Variants in SYNDIG1 observed in about 807,000 individuals in gnomAD.
SYNDIG1 encodes synapse differentiation-inducing gene protein 1.
In SYNDIG1, 9 loss-of-function variants were observed where a neutral mutation model predicts 19.4. The observed-to-expected ratio is 0.46, with a 90% CI of 0.28 to 0.81. SYNDIG1 has a LOEUF of 0.81. Among genes scored for constraint, SYNDIG1 ranks in the 30% least tolerant of loss-of-function variants. The probability of loss-of-function intolerance (pLI) is 0.12; values close to 1 mark genes in which losing one functional copy is unlikely to be tolerated. For missense variants in SYNDIG1, 311 were observed against 343.3 expected, an observed-to-expected ratio of 0.91 and a Z score of 0.74; for synonymous variants, 141 against 145.9, an observed-to-expected ratio of 0.97 and a Z score of 0.24.
intron 3 of SYNDIG1, among the ~76,000 whole-genome samples, chr20:24,594,297 T>G (rs1481527840): frequency 6.6e-6 from 1 of 152,252 alleles, no homozygotes; most frequent in Non-Finnish European, 1.5e-5. Context: ...TAGGGAGTTC[T>G]TCCTCCATTG....
intron 1 of SYNDIG1, among the ~76,000 whole-genome samples, chr20:24,531,752 G>C (rs1432910778): frequency 1.3e-5 from 2 of 152,222 alleles, no homozygotes; most frequent in Non-Finnish European, 2.9e-5. Context: ...CTTCACAGAA[G>C]GTGTGTGCTA....
chr20:24,484,425 G>A (rs73901841), intron 1 of SYNDIG1, among the ~76,000 whole-genome samples: 5,007 of 152,220 alleles, frequency 0.033, 246 homozygotes, highest in African/African-American at 0.11. Context: ...TCAAGGCTCC[G>A]GTTTGAGTTT....
intron 3 of SYNDIG1, among the ~76,000 whole-genome samples, chr20:24,651,767 A>G (rs1323966102): frequency 2.6e-5 from 4 of 152,210 alleles, no homozygotes; most frequent in Non-Finnish European, 5.9e-5. Flanking sequence ...GACACAGCAG[A>G]AGTGATGTTC....
At chr20:24,553,655 T>A (rs183178880) in intron 2 of SYNDIG1, among the ~76,000 whole-genome samples, 14 of 152,356 alleles carry the variant, frequency 9.2e-5, no homozygotes, top group African/African-American at 3.4e-4. Context: ...CTCTGTTCTG[T>A]TCCATTCATC....
chr20:24,487,602 T>C (rs6049728), intron 1 of SYNDIG1, among the ~76,000 whole-genome samples: 7,094 of 152,316 alleles, frequency 0.047, 337 homozygotes, highest in African/African-American at 0.11. Flanking sequence ...CACATGGAAA[T>C]GCACCCCCAC....
At chr20:24,537,926 C>T (rs1419635512) in intron 1 of SYNDIG1, among the ~76,000 whole-genome samples, 2 of 152,010 alleles carry the variant, frequency 1.3e-5, no homozygotes, top group East Asian at 1.9e-4. Context: ...CAGTGGTCAG[C>T]GCACAGTCTT....
chr20:24,556,885 A>G (rs1340277358), intron 2 of SYNDIG1, among the ~76,000 whole-genome samples: 2 of 152,134 alleles, frequency 1.3e-5, no homozygotes, highest in African/African-American at 4.8e-5. Context: ...CTCCTGGATA[A>G]TATCCTGCAG....
At chr20:24,547,970 C>T (rs1045780258) in intron 2 of SYNDIG1, among the ~76,000 whole-genome samples, 1 of 152,194 alleles carries the variant, frequency 6.6e-6, no homozygotes, top group African/African-American at 2.4e-5. Context: ...ATGACGGTCA[C>T]CACCTAGAAG....
chr20:24,508,396 T>C (rs965384518), intron 1 of SYNDIG1, among the ~76,000 whole-genome samples: 1 of 151,550 alleles, frequency 6.6e-6, no homozygotes, highest in African/African-American at 2.4e-5. Flanking sequence ...GCCCAGCTAA[T>C]TTTTGTATTT....
At chr20:24,494,038 T>G (rs1318772123) in intron 1 of SYNDIG1, among the ~76,000 whole-genome samples, 1 of 152,120 alleles carries the variant, frequency 6.6e-6, no homozygotes, top group Admixed American at 6.5e-5. Context: ...GCTGGTTGCA[T>G]CCCGGCCACA....
chr20:24,500,017 T>C (rs1449694177), intron 1 of SYNDIG1, among the ~76,000 whole-genome samples: 2 of 151,994 alleles, frequency 1.3e-5, no homozygotes, highest in African/African-American at 2.4e-5. Flanking sequence ...AGAAGTGAAA[T>C]GGCCCAAAGG....
intron 3 of SYNDIG1, among the ~76,000 whole-genome samples, chr20:24,623,721 A>T (rs1191162981): frequency 6.6e-6 from 1 of 152,150 alleles, no homozygotes; most frequent in Non-Finnish European, 1.5e-5. Context: ...TTAGTTTAAG[A>T]TGTATACTAT....
At chr20:24,534,179 A>C (rs2057316425) in intron 1 of SYNDIG1, among the ~76,000 whole-genome samples, 1 of 152,144 alleles carries the variant, frequency 6.6e-6, no homozygotes, top group Admixed American at 6.5e-5. Context: ...ATCACATTTC[A>C]ACCTGAGATT....
At chr20:24,552,015 G>A (rs1226249693) in intron 2 of SYNDIG1, among the ~76,000 whole-genome samples, 2 of 152,176 alleles carry the variant, frequency 1.3e-5, no homozygotes, top group Non-Finnish European at 2.9e-5. Context: ...CGTGTCTCCT[G>A]TTCTTTCTGT....
At chr20:24,571,466 T>C (rs1167792684) in intron 2 of SYNDIG1, among the ~76,000 whole-genome samples, 1 of 152,150 alleles carries the variant, frequency 6.6e-6, no homozygotes, top group Non-Finnish European at 1.5e-5. Flanking sequence ...CAAAATTATT[T>C]CAAAGTGCAT....
chr20:24,614,478 A>C (rs1214597512), intron 3 of SYNDIG1, among the ~76,000 whole-genome samples: 2 of 152,214 alleles, frequency 1.3e-5, no homozygotes, highest in African/African-American at 4.8e-5. Context: ...ACTTTCCCCA[A>C]ACCTCCCGTT....
intron 1 of SYNDIG1, among the ~76,000 whole-genome samples, chr20:24,478,392 A>G (rs550592310): frequency 6.6e-6 from 1 of 152,278 alleles, no homozygotes; most frequent in South Asian, 2.1e-4. Context: ...CCTGTTTGAC[A>G]CTTGGTGGAA....
intron 3 of SYNDIG1, among the ~76,000 whole-genome samples, chr20:24,635,847 AG>A (rs2059309343): frequency 1.3e-5 from 2 of 152,100 alleles, no homozygotes; most frequent in Admixed American, 1.3e-4. Context: ...ACACACATCT[AG>A]CACCCGGTCA....
At chr20:24,549,778 T>C (rs1041361540) in intron 2 of SYNDIG1, among the ~76,000 whole-genome samples, 2 of 152,160 alleles carry the variant, frequency 1.3e-5, no homozygotes, top group African/African-American at 2.4e-5. Context: ...AATGTGAAGT[T>C]TTTTTGAGTG....
Sources: allele counts gnomAD v4.1 joint callset (sites outside exome capture counted in the v4.1 genomes callset), GRCh38; gene constraint gnomAD v4.1.1; transcripts MANE v1.5; gene names NCBI Gene and HGNC (gene_info 2026-07-23, HGNC 2026-07-21).